The following FIGNL2 variants were observed in gnomAD, a reference collection of about 807,000 sequenced individuals.
FIGNL2 encodes the protein fidgetin-like protein 2.
For missense variants in FIGNL2, 1,060 were observed against 950.2 expected, an observed-to-expected ratio of 1.12 and a Z score of -1.52; for synonymous variants, 565 against 484.0, an observed-to-expected ratio of 1.17 and a Z score of -2.20.
chr12:51,844,929 G>A (rs1939719617), intron 1 of FIGNL2: 6 of 962,686 alleles, frequency 6.2e-6, no homozygotes, highest in Non-Finnish European at 4.9e-6. Context: ...TGAGTGGGGA[G>A]GTCAGGAAAC....
chr12:51,830,558 C>G (rs1235663817), intron 1 of FIGNL2, among the ~76,000 whole-genome samples: 1 of 136,890 alleles, frequency 7.3e-6, no homozygotes, highest in African/African-American at 2.7e-5. Context: ...GTGGTGCGAT[C>G]TCGGCTCACT....
chr12:51,821,356 G>C lies in FIGNL2; in HGVS notation c.1058C>G (p.Pro353Arg). 1 of 1,500,894 alleles carries C rather than the reference G, an allele frequency of 6.7e-7. No homozygotes were observed. The highest frequency in any genetic ancestry group is 2.7e-5 in the East Asian group (1 of 37,158). 93.0% of individuals were successfully genotyped at this position (1,500,894 alleles called of 1,614,324 possible). A position where few individuals can be genotyped will look rare whatever the true frequency, so the allele number is the denominator to read the frequency against. ...CACGGCGAACCCCCCACGAGGAGCCGGGGCCCGCTCCGGGAACTTTTCAAA... is the reference window on the plus strand; with the variant it reads ...CACGGCGAACCCCCCACGAGGAGCCCGGGCCCGCTCCGGGAACTTTTCAAA... ...EPFEKFPERAPAPRGGFAVPS... is the reference protein window; with the variant it reads ...EPFEKFPERARAPRGGFAVPS... The change falls in exon 2 of 2, where the codon CCG (proline) becomes CGG (arginine). Residue 353 changes from proline (P) to arginine (R), a missense_variant. Transcript: ENST00000618634.
At position 51,821,721 on chromosome 12, in the gene FIGNL2, C is replaced by T. The variant is rs1939204641; in HGVS notation, c.693G>A (p.Leu231=). Residue 231 remains leucine, a synonymous_variant, in exon 2 of 2, where the codon CTG becomes CTA. Transcript: ENST00000618634. ...GCGTGGGCGCGGGCAGGCCCGGGGT[C>T]AGGTAGGGGGCCGGGGGTGGGCCTG... ...PPPGPPPAPY[L]TPGLPAPTPL... is the part of the protein sequence containing the mutation. The T allele has an allele frequency of 7.6e-7, 1 of 1,322,708 alleles. No individual in the cohort carries two copies. The highest frequency in any genetic ancestry group is 9.6e-7 in the Non-Finnish European group (1 of 1,042,876). 81.9% of individuals were successfully genotyped at this position (1,322,708 alleles called of 1,614,324 possible).
chr12:51,829,271 C>G (rs1488655618), intron 1 of FIGNL2, among the ~76,000 whole-genome samples: 3 of 152,222 alleles, frequency 2.0e-5, no homozygotes, highest in Non-Finnish European at 4.4e-5. Flanking sequence ...GGCTTTTTGT[C>G]TGCTGCTTAC....
chr12:51,827,887 C>T (rs1032255773), intron 1 of FIGNL2, among the ~76,000 whole-genome samples: 2 of 152,188 alleles, frequency 1.3e-5, no homozygotes, highest in Admixed American at 6.5e-5. Flanking sequence ...TCATCCCCAT[C>T]GCCTCCCCAG....
intron 1 of FIGNL2, chr12:51,845,332 A>C: frequency 5.7e-6 from 2 of 352,072 alleles, no homozygotes; most frequent in Non-Finnish European, 8.0e-6. Context: ...CCAACACCAC[A>C]GAGCCTGGCA....
At position 51,820,847 on chromosome 12, in the gene FIGNL2, C is replaced by T; in HGVS notation, c.1567G>A (p.Gly523Ser). 2 of 1,455,362 alleles carry T rather than the reference C, an allele frequency of 1.4e-6. No homozygotes were observed. Among genetic ancestry groups the T allele is most frequent in the South Asian group, 1.3e-5 (1 of 75,500 alleles). The allele number at this position is 1,455,362 out of a possible 1,614,324, so 90.2% of individuals were successfully genotyped here. A position where few individuals can be genotyped will look rare whatever the true frequency, so the allele number is the denominator to read the frequency against. ...ACCAGCACGCCGTCAGCCCCCGCGC[C>T]GCAGCCCCCGTCCAGGCAGGCCAGG... ...PLLACLDGGC[G>S]AGADGVLVVG... The change falls in exon 2 of 2, where the codon GGC becomes AGC. Residue 523 changes from glycine to serine, a missense_variant. Coordinates refer to ENST00000618634, the MANE Select transcript of FIGNL2 (RefSeq NM_001384995.1).
At chr12:51,844,623 A>T in intron 1 of FIGNL2, 1 of 863,688 alleles carries the variant, frequency 1.2e-6, no homozygotes, top group Non-Finnish European at 1.4e-6. Context: ...CACAGATGAG[A>T]TACAGAGTGT....
At chr12:51,833,940 G>T (rs1285363218) in intron 1 of FIGNL2, among the ~76,000 whole-genome samples, 2 of 150,504 alleles carry the variant, frequency 1.3e-5, no homozygotes, top group Admixed American at 6.6e-5. Flanking sequence ...CTACAGGATG[G>T]ATGGACAGAC....
chr12:51,847,218 G>A (rs1939770248), intron 1 of FIGNL2: 2 of 985,428 alleles, frequency 2.0e-6, no homozygotes, highest in Non-Finnish European at 2.4e-6. Context: ...GGTAGGCTCC[G>A]GGAGGGTCTG....
Position 51,830,772 on chromosome 12 carries a change from G to T in FIGNL2, c.-11-8348C>A, listed in dbSNP as rs201604280. On this transcript the variant is annotated intron_variant, in intron 1 of 1. Coordinates refer to ENST00000618634, the MANE Select transcript of FIGNL2 (RefSeq NM_001384995.1). ...TCCTAAAGTGCTGGATTACAGGCAT[G>T]AGCCACCACACCCGGCCTACGCTCT... Among the ~76,000 whole-genome samples the T allele has an allele frequency of 2.6e-4, 39 of 151,738 alleles. No individual in the cohort carries two copies. In the East Asian group the frequency reaches 6.6e-3, roughly 26 times the overall value.
intron 1 of FIGNL2, chr12:51,844,769 A>G: frequency 1.0e-6 from 1 of 985,376 alleles, no homozygotes; most frequent in African/African-American, 1.7e-5. Context: ...TCCAAGCCAC[A>G]TAGTCAGAGA....
At position 51,821,470 on chromosome 12, in the gene FIGNL2, CCTGGCGGCTT is replaced by C; in HGVS notation, c.934_943del (p.Lys312GlufsTer64). The C allele has an allele frequency of 1.9e-6, 3 of 1,545,470 alleles. No individual in the cohort carries two copies. The highest frequency in any genetic ancestry group is 2.6e-6 in the Non-Finnish European group (3 of 1,150,424). On this transcript the variant is annotated frameshift_variant, in exon 2 of 2. Transcript: ENST00000618634. LOFTEE classifies it low-confidence loss of function (END_TRUNC). ...CTTGCCCGACGCCTCCTCCGCGGCT[CCTGGCGGCTT>C]GGCCCGGAACCCGTTGCCCCGACAT...
At position 51,820,518 on chromosome 12, in the gene FIGNL2, A is replaced by T. The variant is rs780106689; in HGVS notation, c.1896T>A (p.Pro632=). 1.3e-6 allele frequency: 2 copies of T among 1,573,612 alleles called. No homozygotes were observed. Among genetic ancestry groups the T allele is most frequent in the Non-Finnish European group, 1.7e-6 (2 of 1,167,774 alleles). Residue 632 remains proline, a synonymous_variant, in exon 2 of 2, where the codon CCT becomes CCA. Coordinates refer to ENST00000618634, the MANE Select transcript of FIGNL2 (RefSeq NM_001384995.1). ...DLEAALAKVG[P]RASAKELDSF... ...AGTCCAGTTCCTTGGCAGAGGCCCT[A>T]GGGCCCACCTTGGCCAGCGCCGCCT...
At chr12:51,830,743 G>A (rs530534616) in intron 1 of FIGNL2, among the ~76,000 whole-genome samples, 1 of 151,834 alleles carries the variant, frequency 6.6e-6, no homozygotes, top group Non-Finnish European at 1.5e-5. Flanking sequence ...CGCCCGCCTT[G>A]GCCTCCTAAA....
At chr12:51,846,483 GAGTCCTGATCCATAAAA>G (rs1157424842) in intron 1 of FIGNL2, among the ~76,000 whole-genome samples, 1 of 152,186 alleles carries the variant, frequency 6.6e-6, no homozygotes, top group African/African-American at 2.4e-5. Flanking sequence ...GCAGGGAGGG[GAGTCCTGATCCATAAAA>G]AGCTGTGGCC....
chr12:51,842,170 C>T (rs1427534605), intron 1 of FIGNL2: 1 of 152,306 alleles, frequency 6.6e-6, no homozygotes, highest in Non-Finnish European at 1.5e-5. Flanking sequence ...CCTCATTTTA[C>T]GCAGCTCCTT....
rs771664445 is a variant in FIGNL2 at position 51,822,452 on chromosome 12, G to A, written c.-11-28C>T. ...GCGGGCAAGAGACAGGAGGTCTGGT[G>A]AGGTCTAGCCACCGAGGACCCAGTG... is the stretch of plus-strand genomic sequence containing the variant. On this transcript the variant is annotated intron_variant, in intron 1 of 1. Coordinates refer to ENST00000618634, the MANE Select transcript of FIGNL2 (RefSeq NM_001384995.1). The A allele has an allele frequency of 2.5e-6, 4 of 1,610,444 alleles. No homozygotes were observed. The South Asian group carries it at 4.4e-5, about 18-fold the overall frequency.
At position 51,818,158 on chromosome 12, in the gene FIGNL2, G is replaced by A. The variant is rs303822; in HGVS notation, c.*2294C>T. ...GGATTCTTTGGTATGCCTCCCCCCA[G>A]CATTACCAGAGCTGGACTGGCCCTT... On this transcript the variant is annotated 3_prime_UTR_variant, in exon 2 of 2. Coordinates refer to ENST00000618634, the MANE Select transcript of FIGNL2 (RefSeq NM_001384995.1). The A allele has an allele frequency of 0.86, 130,341 of 151,866 alleles. 56,150 individuals carry two copies. Among genetic ancestry groups the A allele is most frequent in the East Asian group, 0.98 (5,011 of 5,128 alleles). The allele number at this position is 151,866 out of a possible 1,614,324, so 9.4% of individuals were successfully genotyped here.
Sources: gnomAD v4.1 joint callset for allele counts (sites outside exome capture counted in the v4.1 genomes callset) on GRCh38, gnomAD v4.1.1 for gene constraint, MANE v1.5 for transcripts, NCBI Gene and HGNC (gene_info 2026-07-23, HGNC 2026-07-21) for gene names.